The following AKAP9 variants were observed in gnomAD, a reference collection of about 807,000 sequenced individuals.
The protein encoded by AKAP9 is A-kinase anchor protein 9.
AKAP9 carries 311 observed loss-of-function variants against 488.5 expected under a neutral mutation model. The ratio of observed to expected loss-of-function variants is 0.64; its 90% CI spans 0.58 to 0.70. The LOEUF (loss-of-function observed/expected upper bound fraction) is 0.70. AKAP9 is among the 30% of genes least tolerant of loss of function. The pLI is 0.00. For synonymous variants in AKAP9, 1,462 were observed against 1,483.5 expected, an observed-to-expected ratio of 0.99 and a Z score of 0.33; for missense variants, 4,215 against 4,374.5, an observed-to-expected ratio of 0.96 and a Z score of 1.03.
At position 92,061,485 on chromosome 7, in the gene AKAP9, G is replaced by A. The variant is rs545015753; in HGVS notation, c.5764+63G>A. The A allele has an allele frequency of 8.2e-6, 13 of 1,578,776 alleles. No homozygotes were observed. In the African/African-American group the frequency reaches 1.6e-4, roughly 20 times the overall value. On this transcript the variant is annotated intron_variant, in intron 23 of 49. Coordinates refer to ENST00000356239, the MANE Select transcript of AKAP9 (RefSeq NM_005751.5). ...TTTCAGTCTTAAAATAGAGATTTTT[G>A]ATGCACAGCCAGGTTTGGAAGCCGT...
rs1385038449 is a variant in AKAP9, at chr7:92,099,670, C to T, written c.10714-17C>T. The T allele has an allele frequency of 1.9e-6, 3 of 1,613,642 alleles. No individual in the cohort carries two copies. The highest frequency in any genetic ancestry group is 1.6e-4 in the Middle Eastern group (1 of 6,062). On this transcript the variant is annotated splice_polypyrimidine_tract_variant and intron_variant, in intron 43 of 49. Coordinates refer to ENST00000356239, the MANE Select transcript of AKAP9 (RefSeq NM_005751.5). ...CCATTTGTGCTTAAGTGACCTTACACCATTTTATTTTTCCAGCCCAGCTTG... is the reference window on the plus strand; with the variant it reads ...CCATTTGTGCTTAAGTGACCTTACATCATTTTATTTTTCCAGCCCAGCTTG...
At chr7:92,057,566 C>G (rs1168884916) in intron 22 of AKAP9, 3 of 183,894 alleles carry the variant, frequency 1.6e-5, no homozygotes, top group Admixed American at 1.3e-4. Flanking sequence ...GGGACACTGA[C>G]TAGAATCCTT....
intron 1 of AKAP9, among the ~76,000 whole-genome samples, chr7:91,963,909 A>T (rs903380818): frequency 6.6e-6 from 1 of 152,188 alleles, no homozygotes; most frequent in African/African-American, 2.4e-5. Flanking sequence ...AACTGGTCTA[A>T]TTAATAGTTA....
intron 39 of AKAP9, among the ~76,000 whole-genome samples, chr7:92,094,782 G>C (rs1003064003): frequency 6.6e-6 from 1 of 152,168 alleles, no homozygotes; most frequent in Non-Finnish European, 1.5e-5. Context: ...GCAGTGAGCC[G>C]AGATGGCGCT....
intron 3 of AKAP9, among the ~76,000 whole-genome samples, chr7:91,986,247 T>C (rs548694777): frequency 7.9e-5 from 12 of 152,306 alleles, no homozygotes; most frequent in South Asian, 2.1e-4. Flanking sequence ...TCTGAGACCA[T>C]TGGAAAAGCG....
At chr7:92,088,290 T>A (rs138751917) in intron 37 of AKAP9, among the ~76,000 whole-genome samples, 1 of 152,280 alleles carries the variant, frequency 6.6e-6, no homozygotes, top group Admixed American at 6.5e-5. Context: ...CAGAGTCTAC[T>A]CTTGGGGAAA....
Position 92,066,523 on chromosome 7 carries a change from A to G in AKAP9, c.6307A>G (p.Ile2103Val), listed in dbSNP as rs186058479. ...TAAGGTTGTTCCTCGATTCCAGCCTATCAGTGAACATCAAACTAGAGAGGT... is the reference window on the plus strand; with the variant it reads ...TAAGGTTGTTCCTCGATTCCAGCCTGTCAGTGAACATCAAACTAGAGAGGT... ...QLKVVPRFQP[I>V]SEHQTREVEQ... Residue 2103 changes from isoleucine (I) to valine (V), a missense_variant, in exon 26 of 50, where the codon ATC becomes GTC. Coordinates refer to ENST00000356239, the MANE Select transcript of AKAP9 (RefSeq NM_005751.5). The G allele has an allele frequency of 5.6e-6, 9 of 1,613,568 alleles. No individual in the cohort carries two copies. The East Asian group carries it at 2.0e-4, about 36-fold the overall frequency.
chr7:92,019,599 G>T (rs1337026860), intron 12 of AKAP9, among the ~76,000 whole-genome samples: 1 of 151,214 alleles, frequency 6.6e-6, no homozygotes, highest in Non-Finnish European at 1.5e-5. Context: ...TGGGATTTAT[G>T]AACTAGTTTA....
In AKAP9 at chr7:92,042,519, G is replaced by A. The variant is rs999716490; in HGVS notation, c.5059-149G>A. The A allele has an allele frequency of 1.1e-4, 68 of 639,410 alleles. No homozygotes were observed. In the Middle Eastern group the frequency reaches 1.3e-3, roughly 12 times the overall value. The allele number at this position is 639,410 out of a possible 1,614,324, so 39.6% of individuals were successfully genotyped here. A position where few individuals can be genotyped will look rare whatever the true frequency, so the allele number is the denominator to read the frequency against. On this transcript the variant is annotated intron_variant, in intron 19 of 49. Transcript: ENST00000356239. ...TCTTTTGATAACACTAATCTCGAGT[G>A]TAGTTAAATATTATACCAACCAGTA...
intron 45 of AKAP9, among the ~76,000 whole-genome samples, chr7:92,102,161 TTTA>T (rs375831731): frequency 0.036 from 4,918 of 136,956 alleles, 196 homozygotes; most frequent in East Asian, 0.1. Flanking sequence ...GTCTCATAAA[TTTA>T]AAAAAAAAAT....
intron 2 of AKAP9, among the ~76,000 whole-genome samples, chr7:91,977,752 C>T (rs1345016578): frequency 6.6e-6 from 1 of 152,100 alleles, no homozygotes; most frequent in African/African-American, 2.4e-5. Context: ...AACTCTACTG[C>T]TTGATTTGGC....
chr7:91,997,736 G>A (rs1037413720), intron 7 of AKAP9, among the ~76,000 whole-genome samples: 2 of 152,178 alleles, frequency 1.3e-5, no homozygotes, highest in Admixed American at 1.3e-4. Flanking sequence ...TATTTACTCT[G>A]TGGGCAGTGT....
At chr7:91,966,516 T>TGGG (rs1794461194) in intron 1 of AKAP9, among the ~76,000 whole-genome samples, 1 of 152,238 alleles carries the variant, frequency 6.6e-6, no homozygotes, top group Non-Finnish European at 1.5e-5. Context: ...GAATGTGTAT[T>TGGG]CTTCAGCAGT....
In AKAP9 at chr7:91,995,908, A is replaced by G. The variant is rs558935449; in HGVS notation, c.930+108A>G. The G allele has an allele frequency of 2.6e-3, 1,980 of 774,834 alleles. 5 individuals are homozygous for G. Among genetic ancestry groups the G allele is most frequent in the Non-Finnish European group, 3.5e-3 (1,666 of 480,294 alleles). The allele number at this position is 774,834 out of a possible 1,614,324, so 48.0% of individuals were successfully genotyped here. On this transcript the variant is annotated intron_variant, in intron 7 of 49. Coordinates refer to ENST00000356239, the MANE Select transcript of AKAP9 (RefSeq NM_005751.5). ...GGCACATGAATCACAAAATTTCATAATTAAGCTCTTTGTGTAATTTATTTC... is the reference window on the plus strand; with the variant it reads ...GGCACATGAATCACAAAATTTCATAGTTAAGCTCTTTGTGTAATTTATTTC...
intron 1 of AKAP9, among the ~76,000 whole-genome samples, chr7:91,959,339 G>T (rs1285737470): frequency 6.6e-6 from 1 of 151,896 alleles, no homozygotes; most frequent in African/African-American, 2.4e-5. Flanking sequence ...GCCCAGGCTG[G>T]AGTGGAGTGC....
chr7:92,052,780 T>C lies in AKAP9; in HGVS notation c.5423T>C (p.Ile1808Thr). 6.2e-7 allele frequency: 1 copy of C among 1,613,806 alleles called. No individual in the cohort carries two copies. ...GGAAGTGATATGCCAAGAAATGACA[T>C]TAACATGTGGTCAAAAGTAACTGAG... ...YSGSDMPRND[I>T]NMWSKVTEEG... Residue 1808 changes from isoleucine to threonine, a missense_variant, in exon 22 of 50, where the codon ATT becomes ACT. By Grantham distance (89) the Ile-to-Thr change is moderately conservative. Transcript: ENST00000356239.
At chr7:92,095,477 T>C (rs1428056300) in intron 40 of AKAP9, among the ~76,000 whole-genome samples, 1 of 152,202 alleles carries the variant, frequency 6.6e-6, no homozygotes, top group Non-Finnish European at 1.5e-5. Flanking sequence ...GTCAGTTTAA[T>C]ACAGAGGTAG....
chr7:92,017,962 T>A (rs972451511), intron 12 of AKAP9, among the ~76,000 whole-genome samples: 1 of 152,226 alleles, frequency 6.6e-6, no homozygotes, highest in Non-Finnish European at 1.5e-5. Context: ...TTTATGCCTT[T>A]TAAATATTCT....
At position 91,940,927 on chromosome 7, in the gene AKAP9, A is replaced by G. The variant is rs1584494503; in HGVS notation, c.-173A>G. On this transcript the variant is annotated 5_prime_UTR_variant, in exon 1 of 50. Transcript: ENST00000356239. ...GACGGCGCTTCCCGTGCGGCTGAGGACGATCCGCCAGTGAGCGCGGAGACT... is the reference window on the plus strand; with the variant it reads ...GACGGCGCTTCCCGTGCGGCTGAGGGCGATCCGCCAGTGAGCGCGGAGACT... 2 of 723,402 alleles carry G rather than the reference A, an allele frequency of 2.8e-6. No homozygotes were observed. The highest frequency in any genetic ancestry group is 2.5e-5 in the East Asian group (1 of 39,282). The allele number at this position is 723,402 out of a possible 1,614,324, so 44.8% of individuals were successfully genotyped here.
Sources: gnomAD v4.1 joint callset for allele counts (sites outside exome capture counted in the v4.1 genomes callset) on GRCh38, gnomAD v4.1.1 for gene constraint, MANE v1.5 for transcripts, NCBI Gene and HGNC (gene_info 2026-07-23, HGNC 2026-07-21) for gene names.